SCOC: variants seen among roughly 807,000 people sequenced by gnomAD.
The protein encoded by SCOC is short coiled coil protein.
Under a neutral mutation model 9.9 loss-of-function variants are expected in SCOC, and 7 were observed. That is an observed-to-expected ratio of 0.71 (90% CI 0.40 to 1.33). SCOC has a LOEUF of 1.33. Ranked by LOEUF, SCOC falls within the 40% of genes most tolerant of loss-of-function variation. SCOC has a pLI of 0.01. For missense variants in SCOC, 66 were observed against 89.7 expected (o/e 0.74, Z 1.07); for synonymous variants, 19 against 28.2 (o/e 0.67, Z 1.03).
intron 2 of SCOC, among the ~76,000 whole-genome samples, chr4:140,357,371 C>T (rs1727277177): frequency 6.6e-6 from 1 of 152,168 alleles, no homozygotes; most frequent in Admixed American, 6.5e-5. Flanking sequence ...CATTTCTTCT[C>T]CAGTAAATTT....
At chr4:140,372,897 A>G (rs552988996), upstream of SCOC, among the ~76,000 whole-genome samples, 1 of 152,196 alleles carries the variant, frequency 6.6e-6, no homozygotes, top group African/African-American at 2.4e-5. Flanking sequence ...TTGATACCGT[A>G]TATGTGACCT....
At chr4:140,332,356 C>G (rs1486417979) in intron 1 of SCOC, among the ~76,000 whole-genome samples, 1 of 127,428 alleles carries the variant, frequency 7.8e-6, no homozygotes, top group East Asian at 2.5e-4. Context: ...ACTCTGGAGT[C>G]ATCTTTTTTT....
intron 1 of SCOC, among the ~76,000 whole-genome samples, chr4:140,298,357 C>A (rs1731710494): frequency 6.6e-6 from 1 of 152,260 alleles, no homozygotes; most frequent in South Asian, 2.1e-4. Context: ...TTTCTTATTT[C>A]TTTGCCACTC....
At chr4:140,287,683 C>T (rs1465469789) in intron 1 of SCOC, among the ~76,000 whole-genome samples, 1 of 152,074 alleles carries the variant, frequency 6.6e-6, no homozygotes, top group Admixed American at 6.5e-5. Flanking sequence ...CATATGTACA[C>T]ATACACACAC....
At chr4:140,293,612 G>A (rs1295573291) in intron 1 of SCOC, among the ~76,000 whole-genome samples, 1 of 152,340 alleles carries the variant, frequency 6.6e-6, no homozygotes, top group South Asian at 2.1e-4. Flanking sequence ...TAGTTGCTGA[G>A]TAGAGAATTC....
At chr4:140,353,807 AC>A (rs1232492634) in intron 2 of SCOC, among the ~76,000 whole-genome samples, 2 of 152,126 alleles carry the variant, frequency 1.3e-5, no homozygotes, top group African/African-American at 4.8e-5. Flanking sequence ...TGTTACAGTG[AC>A]CTGGGTCTTC....
At chr4:140,329,304 G>A (rs1732740589) in intron 1 of SCOC, among the ~76,000 whole-genome samples, 2 of 152,224 alleles carry the variant, frequency 1.3e-5, no homozygotes, top group East Asian at 3.9e-4. Context: ...TCGACTCAAG[G>A]TGGCTCAAAG....
At chr4:140,361,158 C>G (rs769014691) in intron 2 of SCOC, among the ~76,000 whole-genome samples, 1 of 151,754 alleles carries the variant, frequency 6.6e-6, no homozygotes, top group Non-Finnish European at 1.5e-5. Flanking sequence ...TTTTATCTTG[C>G]TGACAGACCT....
chr4:140,309,413 G>A (rs1161871913), intron 1 of SCOC, among the ~76,000 whole-genome samples: 1 of 152,182 alleles, frequency 6.6e-6, no homozygotes, highest in Non-Finnish European at 1.5e-5. Flanking sequence ...GTGTGCTGGA[G>A]AAGTGGCTGC....
intron 1 of SCOC, among the ~76,000 whole-genome samples, chr4:140,316,368 TAC>T (rs199645177): frequency 0.02 from 2,777 of 136,332 alleles, 46 homozygotes; most frequent in South Asian, 0.096. Flanking sequence ...TTCACAAACA[TAC>T]CCATTCTTTA....
chr4:140,372,623 T>A (rs1728103174), upstream of SCOC, among the ~76,000 whole-genome samples: 1 of 152,230 alleles, frequency 6.6e-6, no homozygotes, highest in South Asian at 2.1e-4. Context: ...AAATGCATAG[T>A]TCTCAAAACA....
chr4:140,291,100 G>A (rs1486029150), intron 1 of SCOC, among the ~76,000 whole-genome samples: 1 of 152,164 alleles, frequency 6.6e-6, no homozygotes, highest in Non-Finnish European at 1.5e-5. Context: ...GGGCTTGCTG[G>A]ACCTTATGGC....
In SCOC at chr4:140,304,979, G is replaced by C. The variant is rs182105853; in HGVS notation, c.-18-38642G>C. On this transcript the variant is annotated intron_variant, in intron 1 of 4. Coordinates refer to the SCOC transcript ENST00000394205. Reference sequence around the variant, plus strand: ...CTGCTGTGCTATTATAAGTATTATTGATCACACAATCCATTAGGGCACCAT... The same window carrying C: ...CTGCTGTGCTATTATAAGTATTATTCATCACACAATCCATTAGGGCACCAT... Among the ~76,000 whole-genome samples, 27 of 152,198 alleles carry C rather than the reference G, an allele frequency of 1.8e-4. No homozygotes were observed. In the East Asian group the frequency reaches 3.3e-3, roughly 18 times the overall value.
intron 1 of SCOC, among the ~76,000 whole-genome samples, chr4:140,290,385 G>GGAT (rs1464772477): frequency 6.6e-6 from 1 of 152,164 alleles, no homozygotes; most frequent in Non-Finnish European, 1.5e-5. Flanking sequence ...TAAGAGCTGG[G>GGAT]GATAGTGGAT....
intron 1 of SCOC, among the ~76,000 whole-genome samples, chr4:140,275,998 A>G (rs1730971483): frequency 6.7e-6 from 1 of 149,174 alleles, no homozygotes; most frequent in Non-Finnish European, 1.5e-5. Context: ...TAATTTTTGT[A>G]TTTTTGTTGT....
upstream of SCOC, chr4:140,373,138 TAAG>T (rs1479039894): frequency 1.2e-5 from 5 of 413,660 alleles, no homozygotes; most frequent in Non-Finnish European, 1.7e-5. Flanking sequence ...ATTTCGGAAA[TAAG>T]AAAAATATGA....
intron 2 of SCOC, among the ~76,000 whole-genome samples, chr4:140,359,154 G>A (rs1478458020): frequency 6.6e-6 from 1 of 152,126 alleles, no homozygotes; most frequent in Non-Finnish European, 1.5e-5. Context: ...ATTCAGGAAG[G>A]GCTTAGCTGA....
rs1022603417 is a variant in SCOC at position 140,381,144 on chromosome 4, C to T, written c.*40C>T. On this transcript the variant is annotated 3_prime_UTR_variant, in exon 4 of 4. Coordinates refer to ENST00000608372, the MANE Select transcript of SCOC (RefSeq NM_001153484.2). Reference sequence around the variant, plus strand: ...TCTGTTTTATGGAATTGCTGCTGATCATTTTTTCTTTAAAACTTGGATAGA... The same window carrying T: ...TCTGTTTTATGGAATTGCTGCTGATTATTTTTTCTTTAAAACTTGGATAGA... The T allele has an allele frequency of 6.5e-7, 1 of 1,539,614 alleles. No homozygotes were observed. Among genetic ancestry groups the T allele is most frequent in the Admixed American group, 2.5e-5 (1 of 40,784 alleles).
intron 2 of SCOC, among the ~76,000 whole-genome samples, chr4:140,344,793 G>C (rs1726655726): frequency 6.6e-6 from 1 of 152,202 alleles, no homozygotes; most frequent in African/African-American, 2.4e-5. Context: ...GGAAACCCAT[G>C]TTTCTTAGCT....
Sources: gnomAD v4.1 joint callset for allele counts (sites outside exome capture counted in the v4.1 genomes callset) on GRCh38, gnomAD v4.1.1 for gene constraint, MANE v1.5 for transcripts, NCBI Gene and HGNC (gene_info 2026-07-23, HGNC 2026-07-21) for gene names.